The following KMT2C variants were observed in gnomAD, a reference collection of about 807,000 sequenced individuals.
KMT2C encodes histone-lysine N-methyltransferase 2C.
Under a neutral mutation model 507.9 loss-of-function variants are expected in KMT2C, and 88 were observed. That is an observed-to-expected ratio of 0.17 (90% CI 0.15 to 0.21). KMT2C has a LOEUF of 0.21. KMT2C is among the 10% of genes least tolerant of loss of function. KMT2C has a pLI of 1.00. For missense variants in KMT2C, 4,954 were observed against 5,957.8 expected (o/e 0.83, Z 5.55); for synonymous variants, 2,049 against 2,080.8 (o/e 0.98, Z 0.42).
intron 23 of KMT2C, among the ~76,000 whole-genome samples, chr7:152,211,692 A>G (rs1487906111): frequency 1.3e-5 from 2 of 152,248 alleles, no homozygotes; most frequent in African/African-American, 4.8e-5. Context: ...ACTGTAGGCT[A>G]AAGTCTCTTC....
At chr7:152,227,255 G>A (rs2094961249) in intron 18 of KMT2C, among the ~76,000 whole-genome samples, 1 of 152,132 alleles carries the variant, frequency 6.6e-6, no homozygotes. Context: ...AGGTACTGGG[G>A]TTGTACTATC....
intron 9 of KMT2C, among the ~76,000 whole-genome samples, chr7:152,262,466 T>G (rs369093461): frequency 9.2e-5 from 14 of 152,166 alleles, no homozygotes; most frequent in East Asian, 3.9e-4. Context: ...CGCCTCACCC[T>G]GAAGGGGCAG....
chr7:152,181,584 A>T lies in KMT2C; in HGVS notation c.6276T>A (p.Asp2092Glu). 1 of 1,613,946 alleles carries T rather than the reference A, an allele frequency of 6.2e-7. No individual in the cohort carries two copies. Among genetic ancestry groups the T allele is most frequent in the Non-Finnish European group, 8.5e-7 (1 of 1,179,990 alleles). Residue 2092 changes from aspartate to glutamate, a missense_variant, in exon 36 of 59, where the codon GAT (aspartate) becomes GAA (glutamate). This residue lies in a region of KMT2C where 1,689 missense variants were observed against 1,654.3 expected (regional missense o/e 1.02). Transcript: ENST00000262189. Reference sequence around the variant, plus strand: ...GGGTAAGGGGAGGCTGACTATATGGATCATTTGACTGATTATGAGAAAAAT... The same window carrying T: ...GGGTAAGGGGAGGCTGACTATATGGTTCATTTGACTGATTATGAGAAAAAT... ...IDNFSHNQSNDPYSQPPLTPH... is the reference protein window; with the variant it reads ...IDNFSHNQSNEPYSQPPLTPH...
At chr7:152,289,210 T>C (rs1365143752) in intron 6 of KMT2C, among the ~76,000 whole-genome samples, 2 of 152,226 alleles carry the variant, frequency 1.3e-5, no homozygotes, top group Non-Finnish European at 2.9e-5. Flanking sequence ...GCAAAAGCTA[T>C]GGTGGGTAAA....
chr7:152,363,037 T>A (rs1281102630), intron 1 of KMT2C, among the ~76,000 whole-genome samples: 1 of 152,210 alleles, frequency 6.6e-6, no homozygotes, highest in African/African-American at 2.4e-5. Flanking sequence ...CTTTTCTGAC[T>A]AATCAAACAC....
intron 3 of KMT2C, among the ~76,000 whole-genome samples, chr7:152,325,652 G>C (rs996856915): frequency 6.6e-6 from 1 of 151,490 alleles, no homozygotes; most frequent in African/African-American, 2.4e-5. Flanking sequence ...TCATGTTCAA[G>C]TCAGGCTGGT....
rs1179480539 is a variant in KMT2C at position 152,255,144 on chromosome 7, T to TAC, written c.1300-2431_1300-2430dup. ...ATATATATATATATATATATATATATACATATATATATATGTGTGTGTGTG... is the reference window on the plus strand; with the variant it reads ...ATATATATATATATATATATATATATACACATATATATATATGTGTGTGTGTG... On this transcript the variant is annotated intron_variant, in intron 9 of 58. Coordinates refer to ENST00000262189, the MANE Select transcript of KMT2C (RefSeq NM_170606.3). Among the ~76,000 whole-genome samples the TAC allele has an allele frequency of 3.0e-3, 362 of 120,232 alleles. 4 individuals are homozygous for TAC. Among genetic ancestry groups the TAC allele is most frequent in the Admixed American group, 8.8e-3 (104 of 11,880 alleles). The allele number at this position is 120,232 out of a possible 152,430, so 78.9% of individuals were successfully genotyped here.
At chr7:152,338,375 G>A (rs1331707869) in intron 2 of KMT2C, among the ~76,000 whole-genome samples, 2 of 152,218 alleles carry the variant, frequency 1.3e-5, no homozygotes, top group South Asian at 2.1e-4. Context: ...TACAAAGATA[G>A]TCAAGATCCC....
chr7:152,180,962 C>T lies in KMT2C; in HGVS notation c.6898G>A (p.Asp2300Asn), dbSNP rs1563280755. The change falls in exon 36 of 59, where the codon GAT becomes AAT. Residue 2300 changes from aspartate (D) to asparagine (N), a missense_variant. This residue lies in a region of KMT2C where 1,689 missense variants were observed against 1,654.3 expected (regional missense o/e 1.02). Coordinates refer to ENST00000262189, the MANE Select transcript of KMT2C (RefSeq NM_170606.3). Reference protein sequence around the residue: ...VSPSAARDPYDQSPMTPRSQS... With the variant: ...VSPSAARDPYNQSPMTPRSQS... ...GATCTTGGAGTCATTGGAGACTGAT[C>T]ATAGGGATCACGGGCAGCAGATGGG... 6.2e-7 allele frequency: 1 copy of T among 1,614,150 alleles called. No individual in the cohort carries two copies. Among genetic ancestry groups the T allele is most frequent in the Admixed American group, 1.7e-5 (1 of 60,016 alleles).
chr7:152,338,097 ATCCGCTTGCC>A (rs1485891720), intron 2 of KMT2C, among the ~76,000 whole-genome samples: 1 of 152,064 alleles, frequency 6.6e-6, no homozygotes, highest in East Asian at 1.9e-4. Flanking sequence ...TGACCTCGTG[ATCCGCTTGCC>A]TCAGCCTCCC....
At chr7:152,354,506 A>C (rs2097137533) in intron 2 of KMT2C, among the ~76,000 whole-genome samples, 1 of 152,206 alleles carries the variant, frequency 6.6e-6, no homozygotes, top group African/African-American at 2.4e-5. Flanking sequence ...ATGAAATTAA[A>C]TGTCCTATCT....
At chr7:152,169,397 T>C in intron 40 of KMT2C, 148 bp from the exon 41 acceptor site, 1 of 609,614 alleles carries the variant, frequency 1.6e-6, no homozygotes, top group Non-Finnish European at 2.9e-6. Flanking sequence ...TTATAAAAAG[T>C]AGAGTGAATT....
chr7:152,185,438 G>A (rs967255100), intron 34 of KMT2C, 120 bp downstream of exon 34: 6 of 658,708 alleles, frequency 9.1e-6, no homozygotes, highest in African/African-American at 3.6e-5. Flanking sequence ...AAAGTTGCTT[G>A]TTGTACAGGT....
intron 4 of KMT2C, among the ~76,000 whole-genome samples, chr7:152,312,498 C>T (rs926992147): frequency 6.6e-5 from 10 of 152,092 alleles, no homozygotes; most frequent in Non-Finnish European, 1.3e-4. Context: ...CTTATGGTCC[C>T]GTCAACAAAT....
intron 15 of KMT2C, among the ~76,000 whole-genome samples, chr7:152,236,278 T>A (rs1268444415): frequency 6.6e-6 from 1 of 152,240 alleles, no homozygotes; most frequent in Non-Finnish European, 1.5e-5. Flanking sequence ...TTGTATTCAA[T>A]ATAGAGTAAG....
chr7:152,380,249 A>G lies in KMT2C; in HGVS notation c.162-21574T>C, dbSNP rs1187897911. Among the ~76,000 whole-genome samples, 4 of 143,106 alleles carry G rather than the reference A, an allele frequency of 2.8e-5. No individual in the cohort carries two copies. The East Asian group carries it at 8.2e-4, about 29-fold the overall frequency. The allele number at this position is 143,106 out of a possible 152,430, so 93.9% of individuals were successfully genotyped here. A position where few individuals can be genotyped will look rare whatever the true frequency, so the allele number is the denominator to read the frequency against. ...AGCGAGACTCCATCTCCAAAAAAAA[A>G]AACAAAACAAAACAAAAAACAAAAC... is the stretch of plus-strand genomic sequence containing the variant. On this transcript the variant is annotated intron_variant, in intron 1 of 58. Transcript: ENST00000262189.
chr7:152,302,590 G>T (rs1249204935), intron 6 of KMT2C, among the ~76,000 whole-genome samples: 1 of 151,962 alleles, frequency 6.6e-6, no homozygotes, highest in East Asian at 1.9e-4. Flanking sequence ...TCTTTTTGGG[G>T]GGCAATACTG....
chr7:152,194,240 T>C lies in KMT2C; in HGVS notation c.4529A>G (p.Tyr1510Cys). The change falls in exon 30 of 59, where the codon TAT (tyrosine) becomes TGT (cysteine). Residue 1510 changes from tyrosine (Y) to cysteine (C), a missense_variant. By Grantham distance (194) the Tyr-to-Cys change is radical (BLOSUM62 -2). Transcript: ENST00000262189. ...VTDGAILGKLYKIPELGGKDV... is the reference protein window; with the variant it reads ...VTDGAILGKLCKIPELGGKDV... ...CAAAACACATTTACCTGGAATTTTATATAATTTTCCAAGAATTGCTCCTAG... is the reference window on the plus strand; with the variant it reads ...CAAAACACATTTACCTGGAATTTTACATAATTTTCCAAGAATTGCTCCTAG... 1.3e-6 allele frequency: 2 copies of C among 1,531,386 alleles called. No homozygotes were observed. Among genetic ancestry groups the C allele is most frequent in the Non-Finnish European group, 8.9e-7 (1 of 1,128,854 alleles). 94.9% of individuals were successfully genotyped at this position (1,531,386 alleles called of 1,614,324 possible). A position where few individuals can be genotyped will look rare whatever the true frequency, so the allele number is the denominator to read the frequency against.
At chr7:152,202,039 C>T (rs762229157) in intron 26 of KMT2C, among the ~76,000 whole-genome samples, 1 of 152,112 alleles carries the variant, frequency 6.6e-6, no homozygotes, top group Non-Finnish European at 1.5e-5. Context: ...TATTTTAAAA[C>T]CAATTAAACT....
Sources: gnomAD v4.1 joint callset for allele counts (sites outside exome capture counted in the v4.1 genomes callset) on GRCh38, gnomAD v4.1.1 for gene constraint, gnomAD v4.1.1 regional missense constraint, MANE v1.5 for transcripts, NCBI Gene and HGNC (gene_info 2026-07-23, HGNC 2026-07-21) for gene names.